POLR2B: variants seen among roughly 807,000 people sequenced by gnomAD.
POLR2B encodes RNA polymerase II subunit B.
Under a neutral mutation model 144.6 loss-of-function variants are expected in POLR2B, and 57 were observed. That is an observed-to-expected ratio of 0.39 (90% CI 0.32 to 0.49). The LOEUF is 0.49. POLR2B is among the 20% of genes least tolerant of loss of function. The pLI, the probability that POLR2B is intolerant of heterozygous loss-of-function variation, is 0.83. For synonymous variants in POLR2B, 442 were observed against 469.8 expected (o/e 0.94, Z 0.77); for missense variants, 595 against 1,467.4 (o/e 0.41, Z 9.71).
chr4:57,006,152 T>C (rs1332112410), intron 9 of POLR2B, among the ~76,000 whole-genome samples: 1 of 152,240 alleles, frequency 6.6e-6, no homozygotes, highest in African/African-American at 2.4e-5. Context: ...ATATTTTCTA[T>C]AATTGGAAAA....
At chr4:57,030,021 T>C (rs763299559) in intron 23 of POLR2B, among the ~76,000 whole-genome samples, 183 bp from the exon 24 acceptor site, 1 of 152,156 alleles carries the variant, frequency 6.6e-6, no homozygotes, top group Non-Finnish European at 1.5e-5. Flanking sequence ...TTGGGGACTT[T>C]CTAATGCACG....
Position 57,022,178 on chromosome 4 carries a change from A to C in POLR2B, c.2447A>C (p.Glu816Ala). Residue 816 changes from glutamate (E) to alanine (A), a missense_variant, in exon 18 of 25, where the codon GAA becomes GCA. Around this residue, in one of 9 missense-constraint regions of POLR2B, gnomAD observed 75 missense variants for 100.0 expected, o/e 0.75. Coordinates refer to ENST00000314595, the MANE Select transcript of POLR2B (RefSeq NM_000938.3). ...FRSVFYRSYK[E>A]QESKKGFDQE... is the part of the protein sequence containing the mutation. ...TCTGTTTTCTATCGCTCATACAAAG[A>C]ACAGGAGTCTAAAAAAGGATTTGAT... The C allele has an allele frequency of 6.2e-7, 1 of 1,611,406 alleles. No homozygotes were observed. The highest frequency in any genetic ancestry group is 1.7e-5 in the Admixed American group (1 of 59,982).
chr4:56,997,360 C>G (rs1381854094), intron 6 of POLR2B, among the ~76,000 whole-genome samples: 2 of 151,722 alleles, frequency 1.3e-5, no homozygotes, highest in Non-Finnish European at 2.9e-5. Flanking sequence ...CTGGCCCAAG[C>G]GATTCTCGTA....
chr4:56,990,696 T>C (rs1299707856), intron 2 of POLR2B, 52 bp from the exon 3 acceptor site: 13 of 1,456,006 alleles, frequency 8.9e-6, no homozygotes, highest in Middle Eastern at 1.8e-4. Flanking sequence ...TGGGGAATTA[T>C]GCTAGAAATT....
chr4:56,986,942 G>T (rs1174234144), intron 2 of POLR2B: 5 of 152,212 alleles, frequency 3.3e-5, no homozygotes, highest in African/African-American at 1.2e-4. Context: ...TCTGATCCTG[G>T]ATCCAACCTA....
chr4:57,025,355 T>C, intron 22 of POLR2B, 22 bp from the exon 23 acceptor site: 1 of 1,596,470 alleles, frequency 6.3e-7, no homozygotes, highest in East Asian at 2.2e-5. Flanking sequence ...GGTCTACACT[T>C]CAAAATCTGT....
At chr4:57,001,463 C>T (rs955685785) in intron 7 of POLR2B, among the ~76,000 whole-genome samples, 2 of 152,232 alleles carry the variant, frequency 1.3e-5, no homozygotes, top group Admixed American at 6.5e-5. Flanking sequence ...GCCTGGCCTC[C>T]TCGGCCTTTC....
intron 2 of POLR2B, among the ~76,000 whole-genome samples, chr4:56,988,996 T>G (rs1166077142): frequency 4.6e-5 from 7 of 152,252 alleles, no homozygotes; most frequent in South Asian, 2.1e-4. Context: ...TTAAATTGAC[T>G]GTAGATACTT....
chr4:56,978,913 T>C lies in POLR2B; in HGVS notation c.-73T>C, dbSNP rs2109631002. 2.8e-6 allele frequency: 4 copies of C among 1,427,860 alleles called. No individual in the cohort carries two copies. The highest frequency in any genetic ancestry group is 4.0e-6 in the Non-Finnish European group (4 of 1,010,396). 88.4% of individuals were successfully genotyped at this position (1,427,860 alleles called of 1,614,324 possible). A position where few individuals can be genotyped will look rare whatever the true frequency, so the allele number is the denominator to read the frequency against. On this transcript the variant is annotated 5_prime_UTR_variant, in exon 1 of 25. Coordinates refer to ENST00000314595, the MANE Select transcript of POLR2B (RefSeq NM_000938.3). Reference sequence around the variant, plus strand: ...CGGAAGTTACTTCGTCTTTAGCTCCTGGCGCTGCTGGCTTCTGGGCGGTTT... The same window carrying C: ...CGGAAGTTACTTCGTCTTTAGCTCCCGGCGCTGCTGGCTTCTGGGCGGTTT...
At chr4:56,991,029 A>G in intron 3 of POLR2B, 131 bp downstream of exon 3, 1 of 585,650 alleles carries the variant, frequency 1.7e-6, no homozygotes, top group Non-Finnish European at 2.8e-6. Context: ...AGCACCGTCA[A>G]TCACTTTCTG....
chr4:57,013,003 G>A (rs965172007), intron 13 of POLR2B, among the ~76,000 whole-genome samples: 1 of 152,040 alleles, frequency 6.6e-6, no homozygotes, highest in African/African-American at 2.4e-5. Flanking sequence ...ACCATGCCTG[G>A]CTAATTTTTG....
At chr4:56,979,049 A>G in intron 1 of POLR2B, 45 bp downstream of exon 1, 1 of 1,603,348 alleles carries the variant, frequency 6.2e-7, no homozygotes, top group Non-Finnish European at 8.5e-7. Flanking sequence ...CCATTTAAGC[A>G]GGAAAGCGTT....
intron 17 of POLR2B, among the ~76,000 whole-genome samples, chr4:57,021,485 C>CTTTTT (rs34804702): frequency 3.7e-4 from 41 of 110,322 alleles, no homozygotes; most frequent in East Asian, 2.3e-3. Context: ...AATGTAAAAA[C>CTTTTT]TTTTTTTTTT....
At chr4:57,012,807 GAT>G (rs1723235391) in intron 13 of POLR2B, among the ~76,000 whole-genome samples, 3 of 152,064 alleles carry the variant, frequency 2.0e-5, no homozygotes, top group African/African-American at 7.2e-5. Flanking sequence ...TGGGATTACA[GAT>G]GTGTACCACC....
chr4:57,030,825 G>A (rs1723893964), intron 24 of POLR2B, 74 bp from the exon 25 acceptor site: 12 of 827,804 alleles, frequency 1.4e-5, no homozygotes, highest in Non-Finnish European at 2.6e-5. Flanking sequence ...CCAGATCTTT[G>A]TCTTTTTCTG....
Position 57,023,142 on chromosome 4 carries a change from C to CTTTTTTTTTT in POLR2B, c.2516-187_2516-178dup. On this transcript the variant is annotated intron_variant, in intron 18 of 24. Coordinates refer to ENST00000314595, the MANE Select transcript of POLR2B (RefSeq NM_000938.3). This position sits in a 1 kb window ranked among gnomAD's most constrained non-coding sequence, Gnocchi z 4.3. The stretch of plus-strand genomic sequence containing the variant: ...TTCCAATGTTCTTTTCCTTCATAGA[C>CTTTTTTTTTT]TTTTTTTTTTGTTTTCTGTGTGGGC... The CTTTTTTTTTT allele has an allele frequency of 4.4e-6, 2 of 452,698 alleles. No individual in the cohort carries two copies. The highest frequency in any genetic ancestry group is 7.8e-6 in the Non-Finnish European group (2 of 256,410). 28.0% of individuals were successfully genotyped at this position (452,698 alleles called of 1,614,324 possible).
At chr4:56,985,433 G>A (rs1362861661) in intron 1 of POLR2B, 34 of 984,416 alleles carry the variant, frequency 3.5e-5, no homozygotes, top group South Asian at 2.8e-4. Context: ...CCGCCGCCCC[G>A]TGGGGCGGCC....
chr4:56,979,339 T>C (rs1722078930), intron 1 of POLR2B, among the ~76,000 whole-genome samples: 1 of 151,084 alleles, frequency 6.6e-6, no homozygotes, highest in African/African-American at 2.4e-5. Context: ...TTAAAAATTT[T>C]CCTTAAAGCC....
At chr4:56,984,492 T>C (rs953993860) in intron 1 of POLR2B, among the ~76,000 whole-genome samples, 4 of 152,214 alleles carry the variant, frequency 2.6e-5, no homozygotes, top group African/African-American at 9.6e-5. Context: ...CTAGAAGTAT[T>C]TGAAGGTATT....
Sources: allele counts gnomAD v4.1 joint callset (sites outside exome capture counted in the v4.1 genomes callset), GRCh38; gene constraint gnomAD v4.1.1; regional missense constraint gnomAD v4.1.1; non-coding constraint Gnocchi (gnomAD v3.1); transcripts MANE v1.5; gene names NCBI Gene and HGNC (gene_info 2026-07-23, HGNC 2026-07-21).